LIMCH1: variants seen among roughly 807,000 people sequenced by gnomAD.
LIMCH1 encodes LIM and calponin homology domains-containing protein 1.
A neutral mutation model predicts 176.5 loss-of-function variants in LIMCH1; 113 were observed. That is an observed-to-expected ratio of 0.64 (90% CI 0.55 to 0.75). LIMCH1 has a LOEUF of 0.75. LIMCH1 is among the 30% of genes least tolerant of loss of function. LIMCH1 has a pLI of 0.00. For synonymous variants in LIMCH1, 619 were observed against 645.9 expected, an observed-to-expected ratio of 0.96 and a Z score of 0.63; for missense variants, 1,674 against 1,814.9, an observed-to-expected ratio of 0.92 and a Z score of 1.41.
At chr4:41,469,308 A>G (rs1422330577) in intron 1 of LIMCH1, among the ~76,000 whole-genome samples, 2 of 152,170 alleles carry the variant, frequency 1.3e-5, no homozygotes, top group Non-Finnish European at 1.5e-5. Flanking sequence ...TAGCATATAC[A>G]AGTATGGTTA....
chr4:41,396,625 G>A (rs2057826990), intron 1 of LIMCH1, among the ~76,000 whole-genome samples: 1 of 152,070 alleles, frequency 6.6e-6, no homozygotes, highest in Admixed American at 6.6e-5. Context: ...TGAAGGCCAG[G>A]TGCAGTGGCT....
chr4:41,629,030 A>C (rs915227793), intron 8 of LIMCH1, among the ~76,000 whole-genome samples: 1 of 152,232 alleles, frequency 6.6e-6, no homozygotes, highest in Non-Finnish European at 1.5e-5. Context: ...TGTTCCAGCT[A>C]TCTCCAAACT....
intron 21 of LIMCH1, chr4:41,670,803 T>C: frequency 6.5e-7 from 1 of 1,535,830 alleles, no homozygotes; most frequent in Non-Finnish European, 8.7e-7. Flanking sequence ...GTAAACTGCA[T>C]ACTGGGTAGC....
intron 1 of LIMCH1, among the ~76,000 whole-genome samples, chr4:41,576,258 G>A (rs1343009723): frequency 6.6e-6 from 1 of 151,936 alleles, no homozygotes; most frequent in African/African-American, 2.4e-5. Context: ...CTTTAAACTT[G>A]CTCAATATAC....
chr4:41,459,930 G>A (rs1388649974), intron 1 of LIMCH1, among the ~76,000 whole-genome samples: 8 of 152,026 alleles, frequency 5.3e-5, no homozygotes, highest in Non-Finnish European at 1.0e-4. Flanking sequence ...GATAGGGAAG[G>A]GAAGATTTCC....
intron 1 of LIMCH1, among the ~76,000 whole-genome samples, chr4:41,573,441 T>A (rs117339597): frequency 6.6e-6 from 1 of 152,340 alleles, no homozygotes; most frequent in East Asian, 1.9e-4. Flanking sequence ...CTCTGTATGT[T>A]GATATGTATG....
intron 1 of LIMCH1, among the ~76,000 whole-genome samples, chr4:41,589,809 G>C (rs1421615363): frequency 6.6e-6 from 1 of 152,066 alleles, no homozygotes; most frequent in Non-Finnish European, 1.5e-5. Context: ...TACATATTCT[G>C]CAGGGGCCTT....
intron 18 of LIMCH1, among the ~76,000 whole-genome samples, chr4:41,657,267 A>G (rs2094490293): frequency 6.6e-6 from 1 of 152,228 alleles, no homozygotes; most frequent in Non-Finnish European, 1.5e-5. Context: ...GTTGAGCTGT[A>G]ACCAAAGAAA....
chr4:41,400,306 G>C (rs558439421), intron 1 of LIMCH1, among the ~76,000 whole-genome samples: 1 of 152,234 alleles, frequency 6.6e-6, no homozygotes, highest in African/African-American at 2.4e-5. Flanking sequence ...GTGTCATGGG[G>C]TACCTTGGAA....
At chr4:41,526,113 A>G (rs1261816733) in intron 3 of LIMCH1, among the ~76,000 whole-genome samples, 2 of 152,184 alleles carry the variant, frequency 1.3e-5, no homozygotes, top group Non-Finnish European at 2.9e-5. Flanking sequence ...TGTTTCTCAC[A>G]TATTGCCTCT....
chr4:41,487,266 AGCT>A (rs113468180), intron 1 of LIMCH1, among the ~76,000 whole-genome samples: 160 of 152,294 alleles, frequency 1.1e-3, no homozygotes, highest in African/African-American at 3.4e-3. Flanking sequence ...CAGTCTGTAC[AGCT>A]GTTGATCCTC....
At chr4:41,457,353 T>A (rs1471605220) in intron 1 of LIMCH1, among the ~76,000 whole-genome samples, 1 of 152,096 alleles carries the variant, frequency 6.6e-6, no homozygotes, top group Non-Finnish European at 1.5e-5. Flanking sequence ...TGGATTGATA[T>A]TTTTATATAA....
chr4:41,545,313 C>T (rs1027334615), intron 1 of LIMCH1, among the ~76,000 whole-genome samples: 4 of 152,118 alleles, frequency 2.6e-5, no homozygotes, highest in Admixed American at 1.3e-4. Context: ...TATTTCCTGT[C>T]CTTGACGTTT....
chr4:41,603,881 T>A lies in LIMCH1; in HGVS notation c.-127T>A. The A allele has an allele frequency of 6.2e-7, 1 of 1,606,750 alleles. No homozygotes were observed. Among genetic ancestry groups the A allele is most frequent in the Non-Finnish European group, 8.5e-7 (1 of 1,174,156 alleles). ...TTTCCCTTTCCTTGACTAGGAGCCTTGATTATAGTAGGAAGCTGAAAAATG... is the reference window on the plus strand; with the variant it reads ...TTTCCCTTTCCTTGACTAGGAGCCTAGATTATAGTAGGAAGCTGAAAAATG... On this transcript the variant is annotated 5_prime_UTR_variant, in exon 3 of 32. Transcript: ENST00000503057.
At position 41,595,463 on chromosome 4, in the gene LIMCH1, C is replaced by T. The variant is rs543859680; in HGVS notation, c.-240-3457C>T. 1.6e-4 allele frequency among the ~76,000 whole-genome samples: 25 copies of T among 152,148 alleles called. No individual in the cohort carries two copies. In the South Asian group the frequency reaches 3.1e-3, roughly 19 times the overall value. ...GTTAATTGGGAGTCAGATTTAGTAG[C>T]GGGGTGACTGGTATGGTATATAACC... is the stretch of plus-strand genomic sequence containing the variant. On this transcript the variant is annotated intron_variant, in intron 1 of 31. Transcript: ENST00000503057.
chr4:41,634,773 G>A (rs753381671), intron 13 of LIMCH1, among the ~76,000 whole-genome samples: 12 of 152,142 alleles, frequency 7.9e-5, no homozygotes, highest in Non-Finnish European at 1.0e-4. Flanking sequence ...ATCTATGTTA[G>A]CTCCATTTCA....
rs773572501 is a variant in LIMCH1 at position 41,692,276 on chromosome 4, C to G, written c.4276-6C>G. 1 of 1,568,926 alleles carries G rather than the reference C, an allele frequency of 6.4e-7. No individual in the cohort carries two copies. Reference sequence around the variant, plus strand: ...TCTTATGATGTCTGTTCTTTTTACCCTATAGTGTGGAATTTGTAAAGGCCA... The same window carrying G: ...TCTTATGATGTCTGTTCTTTTTACCGTATAGTGTGGAATTTGTAAAGGCCA... On this transcript the variant is annotated splice_region_variant and splice_polypyrimidine_tract_variant and intron_variant, in intron 30 of 31. Coordinates refer to ENST00000503057, the MANE Select transcript of LIMCH1 (RefSeq NM_001330672.2).
chr4:41,661,352 T>C, intron 18 of LIMCH1, 68 bp from the exon 19 acceptor site: 2 of 1,191,452 alleles, frequency 1.7e-6, no homozygotes, highest in East Asian at 4.9e-5. Flanking sequence ...AAATTACTGC[T>C]TAAAAAATAA....
At position 41,458,189 on chromosome 4, in the gene LIMCH1, A is replaced by G. The variant is rs79037283; in HGVS notation, c.97-36347A>G. On this transcript the variant is annotated intron_variant, in intron 1 of 26. Transcript: ENST00000313860. ...ACAAAATTTTTAAAAAAATGGATGC[A>G]TAGTATCTCACTCGATGAAAGGAAG... Among the ~76,000 whole-genome samples the G allele has an allele frequency of 1.3e-3, 194 of 152,304 alleles. 1 individual carries two copies. Among genetic ancestry groups the G allele is most frequent in the African/African-American group, 4.4e-3 (184 of 41,576 alleles).
Sources: gnomAD v4.1 joint callset for allele counts (sites outside exome capture counted in the v4.1 genomes callset) on GRCh38, gnomAD v4.1.1 for gene constraint, MANE v1.5 for transcripts, NCBI Gene and HGNC (gene_info 2026-07-23, HGNC 2026-07-21) for gene names.